CDH13: variants seen among roughly 807,000 people sequenced by gnomAD.
The protein encoded by CDH13 is cadherin-13.
Under a neutral mutation model 63.8 loss-of-function variants are expected in CDH13, and 24 were observed. The ratio of observed to expected loss-of-function variants is 0.38; its 90% CI spans 0.27 to 0.53. The LOEUF (loss-of-function observed/expected upper bound fraction) is 0.53. Ranked by LOEUF, CDH13 falls within the 20% of genes least tolerant of loss-of-function variation. The pLI is 0.85. For synonymous variants in CDH13, 503 were observed against 355.3 expected (o/e 1.42, Z -4.67); for missense variants, 1,049 against 903.1 (o/e 1.16, Z -2.07).
At chr16:83,375,444 C>G (rs1370518539) in intron 6 of CDH13, among the ~76,000 whole-genome samples, 1 of 152,126 alleles carries the variant, frequency 6.6e-6, no homozygotes, top group Non-Finnish European at 1.5e-5. Flanking sequence ...TGTACTCATT[C>G]TGCTGACATC....
chr16:83,498,098 G>C (rs143789273), intron 7 of CDH13, among the ~76,000 whole-genome samples: 11 of 152,280 alleles, frequency 7.2e-5, no homozygotes, highest in African/African-American at 2.4e-4. Flanking sequence ...GTGCCATCTA[G>C]ACATTGACTA....
chr16:83,372,858 G>T (rs907283506), intron 6 of CDH13, among the ~76,000 whole-genome samples: 1 of 152,002 alleles, frequency 6.6e-6, no homozygotes, highest in Non-Finnish European at 1.5e-5. Flanking sequence ...ACAAGTGATG[G>T]CGTTAAACTG....
At chr16:83,758,623 T>G (rs1913707505) in intron 11 of CDH13, among the ~76,000 whole-genome samples, 4 of 152,208 alleles carry the variant, frequency 2.6e-5, no homozygotes, top group Admixed American at 2.6e-4. Context: ...TATTCATAAA[T>G]GATATGCCTA....
intron 6 of CDH13, among the ~76,000 whole-genome samples, chr16:83,427,913 A>C (rs906085910): frequency 2.0e-5 from 3 of 152,256 alleles, no homozygotes; most frequent in Non-Finnish European, 4.4e-5. Context: ...CAAAGGCAGA[A>C]CTGCTGACAG....
chr16:83,162,107 A>G (rs2037472190), intron 4 of CDH13, among the ~76,000 whole-genome samples: 1 of 152,214 alleles, frequency 6.6e-6, no homozygotes, highest in Non-Finnish European at 1.5e-5. Context: ...TGCTTCTCAG[A>G]CGTGGCATTT....
At position 82,923,737 on chromosome 16, in the gene CDH13, T is replaced by C. The variant is rs143216629; in HGVS notation, c.157+65264T>C. Among the ~76,000 whole-genome samples the C allele has an allele frequency of 5.4e-4, 82 of 152,346 alleles. 1 individual carries two copies. Among genetic ancestry groups the C allele is most frequent in the African/African-American group, 1.8e-3 (74 of 41,584 alleles). On this transcript the variant is annotated intron_variant, in intron 2 of 13. Coordinates refer to ENST00000567109, the MANE Select transcript of CDH13 (RefSeq NM_001257.5). ...CATGCAGTGAAGCGGCTCTTAAATATGTGCTTCTTTCCTCTTACTTCGCTT... is the reference window on the plus strand; with the variant it reads ...CATGCAGTGAAGCGGCTCTTAAATACGTGCTTCTTTCCTCTTACTTCGCTT...
At chr16:82,629,191 G>A (rs1907712810) in intron 1 of CDH13, among the ~76,000 whole-genome samples, 1 of 152,218 alleles carries the variant, frequency 6.6e-6, no homozygotes, top group African/African-American at 2.4e-5. Flanking sequence ...TTTTGCAAAT[G>A]AACTGGTGTG....
chr16:83,411,542 A>T (rs930392182), intron 6 of CDH13, among the ~76,000 whole-genome samples: 2 of 152,208 alleles, frequency 1.3e-5, no homozygotes, highest in African/African-American at 4.8e-5. Flanking sequence ...TTAAATATTT[A>T]AATATTTAAA....
At chr16:83,208,488 T>C (rs991458618) in intron 4 of CDH13, among the ~76,000 whole-genome samples, 3 of 152,158 alleles carry the variant, frequency 2.0e-5, no homozygotes, top group African/African-American at 7.2e-5. Flanking sequence ...TTTTCCTATT[T>C]AACGTAGAGT....
chr16:82,722,450 C>CAA (rs1288402057), intron 1 of CDH13, among the ~76,000 whole-genome samples: 1 of 152,160 alleles, frequency 6.6e-6, no homozygotes, highest in Non-Finnish European at 1.5e-5. Flanking sequence ...ACAGTCCTTG[C>CAA]AGAGGGCTGG....
intron 10 of CDH13, among the ~76,000 whole-genome samples, chr16:83,724,033 G>C (rs749790195): frequency 5.9e-5 from 9 of 151,772 alleles, no homozygotes; most frequent in Non-Finnish European, 1.2e-4. Flanking sequence ...GGTGATGAAC[G>C]CATGGGTGAG....
At chr16:83,259,522 G>A (rs1391155923) in intron 5 of CDH13, among the ~76,000 whole-genome samples, 1 of 152,114 alleles carries the variant, frequency 6.6e-6, no homozygotes, top group Non-Finnish European at 1.5e-5. Flanking sequence ...ATTACATTAT[G>A]TTACAAATGC....
intron 1 of CDH13, among the ~76,000 whole-genome samples, chr16:82,725,433 A>C (rs914544471): frequency 2.0e-5 from 3 of 152,194 alleles, no homozygotes; most frequent in Non-Finnish European, 2.9e-5. Flanking sequence ...ACTTAGCAGC[A>C]GGATACCCTT....
At chr16:83,555,900 G>C (rs1246363488) in intron 7 of CDH13, among the ~76,000 whole-genome samples, 3 of 152,144 alleles carry the variant, frequency 2.0e-5, no homozygotes, top group African/African-American at 7.2e-5. Context: ...GTTTCTATCA[G>C]CTTCTTATGC....
In CDH13 at chr16:82,877,678, C is replaced by T. The variant is rs1031872646; in HGVS notation, c.157+19205C>T. Among the ~76,000 whole-genome samples, 7 of 152,214 alleles carry T rather than the reference C, an allele frequency of 4.6e-5. No individual in the cohort carries two copies. The Middle Eastern group carries it at 0.01, about 222-fold the overall frequency. On this transcript the variant is annotated intron_variant, in intron 2 of 13. Coordinates refer to ENST00000567109, the MANE Select transcript of CDH13 (RefSeq NM_001257.5). ...CTCAAGTCTTTATGATGTGAAAATG[C>T]ACAGTAAATATTCCAGAAAGCATGC...
At chr16:82,955,875 A>G (rs1015864422) in intron 2 of CDH13, among the ~76,000 whole-genome samples, 2 of 152,210 alleles carry the variant, frequency 1.3e-5, no homozygotes, top group African/African-American at 4.8e-5. Flanking sequence ...GTAAATAAAG[A>G]GACAAAGAAT....
At chr16:83,031,328 T>C (rs1303627906) in intron 2 of CDH13, among the ~76,000 whole-genome samples, 3 of 138,390 alleles carry the variant, frequency 2.2e-5, no homozygotes, top group Admixed American at 7.0e-5. Flanking sequence ...CATGTATATA[T>C]ATGTATATGT....
At chr16:82,631,279 G>A (rs1232112372) in intron 1 of CDH13, among the ~76,000 whole-genome samples, 2 of 152,170 alleles carry the variant, frequency 1.3e-5, no homozygotes, top group African/African-American at 4.8e-5. Context: ...CCTGGCATTT[G>A]ACTTTGGTTG....
intron 1 of CDH13, among the ~76,000 whole-genome samples, chr16:82,729,836 G>A (rs762399103): frequency 2.1e-4 from 32 of 152,164 alleles, no homozygotes; most frequent in Non-Finnish European, 3.7e-4. Flanking sequence ...CACCTTTGTC[G>A]ATGATCTTAG....
Sources: allele counts gnomAD v4.1 joint callset (sites outside exome capture counted in the v4.1 genomes callset), GRCh38; gene constraint gnomAD v4.1.1; transcripts MANE v1.5; gene names NCBI Gene and HGNC (gene_info 2026-07-23, HGNC 2026-07-21).